Variants in ATP2B4 observed in about 807,000 individuals in gnomAD.
ATP2B4 encodes ATPase plasma membrane Ca2+ transporting 4, also known as plasma membrane calcium-transporting ATPase 4.
In ATP2B4, 39 loss-of-function variants were observed where a neutral mutation model predicts 110.3. The ratio of observed to expected loss-of-function variants is 0.35; its 90% CI spans 0.27 to 0.46. The LOEUF (loss-of-function observed/expected upper bound fraction) is 0.46. ATP2B4 is among the 20% of genes least tolerant of loss of function. The pLI, the probability that ATP2B4 is intolerant of heterozygous loss-of-function variation, is 1.00. For synonymous variants in ATP2B4, 538 were observed against 571.7 expected, an observed-to-expected ratio of 0.94 and a Z score of 0.84; for missense variants, 1,135 against 1,530.9, an observed-to-expected ratio of 0.74 and a Z score of 4.32.
intron 1 of ATP2B4, among the ~76,000 whole-genome samples, chr1:203,670,250 C>T (rs1313602750): frequency 6.6e-6 from 1 of 151,734 alleles, no homozygotes; most frequent in Non-Finnish European, 1.5e-5. Flanking sequence ...ACGATCTCAG[C>T]TCACTGCAAC....
Position 203,720,561 on chromosome 1 carries a change from A to T in ATP2B4, c.2419A>T (p.Thr807Ser). ...DVGFAMGIAGTDVAKEASDII... is the reference protein window; with the variant it reads ...DVGFAMGIAGSDVAKEASDII... ...CATCTTACCTCAGGGCATCGCAGGCACAGATGTAGCAAAGGAGGCTTCAGA... is the reference window on the plus strand; with the variant it reads ...CATCTTACCTCAGGGCATCGCAGGCTCAGATGTAGCAAAGGAGGCTTCAGA... Residue 807 changes from threonine to serine, a missense_variant, in exon 16 of 21, where the codon ACA becomes TCA. Transcript: ENST00000357681. 6.2e-7 allele frequency: 1 copy of T among 1,608,332 alleles called. No individual in the cohort carries two copies. Among genetic ancestry groups the T allele is most frequent in the Non-Finnish European group, 8.5e-7 (1 of 1,176,764 alleles).
At chr1:203,647,855 G>A (rs570642195) in intron 1 of ATP2B4, among the ~76,000 whole-genome samples, 1 of 152,320 alleles carries the variant, frequency 6.6e-6, no homozygotes, top group East Asian at 1.9e-4. Context: ...GCCAGCCTAG[G>A]TGGTGCACAG....
At chr1:203,665,115 G>A (rs552840178) in intron 1 of ATP2B4, among the ~76,000 whole-genome samples, 8 of 152,242 alleles carry the variant, frequency 5.3e-5, no homozygotes, top group Non-Finnish European at 7.4e-5. Flanking sequence ...CACCGCACCC[G>A]GCCCTTAAGG....
At chr1:203,719,977 T>C (rs1666273826) in intron 15 of ATP2B4, among the ~76,000 whole-genome samples, 2 of 152,078 alleles carry the variant, frequency 1.3e-5, no homozygotes, top group East Asian at 1.9e-4. Context: ...GAGGCCAAGG[T>C]GGGAGGATCA....
chr1:203,697,245 T>C (rs1245595454), intron 2 of ATP2B4, among the ~76,000 whole-genome samples: 7 of 152,218 alleles, frequency 4.6e-5, no homozygotes, highest in Non-Finnish European at 1.0e-4. Flanking sequence ...GACTCTGCCC[T>C]GATGCTCCCC....
chr1:203,658,881 G>A (rs1275335616), intron 1 of ATP2B4, among the ~76,000 whole-genome samples: 1 of 152,014 alleles, frequency 6.6e-6, no homozygotes, highest in Admixed American at 6.6e-5. Flanking sequence ...GTGTGTGCCT[G>A]TAATCCCAGC....
intron 1 of ATP2B4, among the ~76,000 whole-genome samples, chr1:203,644,036 C>T (rs1368107223): frequency 1.3e-5 from 2 of 152,020 alleles, no homozygotes; most frequent in African/African-American, 2.4e-5. Context: ...GATCACCTAA[C>T]ATTAGGGGTT....
chr1:203,678,130 C>T (rs1002256487), intron 1 of ATP2B4, among the ~76,000 whole-genome samples: 21 of 152,222 alleles, frequency 1.4e-4, no homozygotes, highest in African/African-American at 4.8e-4. Flanking sequence ...TTATGCATCA[C>T]ATCACATTCA....
chr1:203,710,895 C>T lies in ATP2B4; in HGVS notation c.1818C>T (p.Asp606=). 1 of 1,613,520 alleles carries T rather than the reference C, an allele frequency of 6.2e-7. No homozygotes were observed. The highest frequency in any genetic ancestry group is 8.5e-7 in the Non-Finnish European group (1 of 1,179,722). ...IILRKCNRIL[D]RKGEAVPFKN... Reference sequence around the variant, plus strand: ...TCCCCAGGTGTAATCGAATCCTGGACCGGAAAGGGGAAGCAGTGCCATTCA... The same window carrying T: ...TCCCCAGGTGTAATCGAATCCTGGATCGGAAAGGGGAAGCAGTGCCATTCA... Residue 606 remains aspartate (D), a synonymous_variant, in exon 12 of 21, where the codon GAC becomes GAT. Transcript: ENST00000357681.
chr1:203,692,235 T>G (rs1314882975), intron 2 of ATP2B4, among the ~76,000 whole-genome samples: 1 of 151,994 alleles, frequency 6.6e-6, no homozygotes, highest in East Asian at 1.9e-4. Flanking sequence ...TGGAATGTAG[T>G]GGCAAAATCA....
intron 1 of ATP2B4, among the ~76,000 whole-genome samples, chr1:203,669,665 G>A (rs1049141754): frequency 9.9e-5 from 15 of 152,028 alleles, no homozygotes; most frequent in African/African-American, 3.4e-4. Flanking sequence ...TCGAACTCCC[G>A]ACCTCAGGTG....
chr1:203,644,003 A>G (rs11806737), intron 1 of ATP2B4, among the ~76,000 whole-genome samples: 11,126 of 152,142 alleles, frequency 0.073, 460 homozygotes, highest in East Asian at 0.098. Flanking sequence ...TAATCTCAGC[A>G]CTTTGGGAGG....
intron 20 of ATP2B4, among the ~76,000 whole-genome samples, chr1:203,730,871 G>T (rs1277887389): frequency 6.6e-6 from 1 of 152,226 alleles, no homozygotes; most frequent in Non-Finnish European, 1.5e-5. Flanking sequence ...GACTCTGGAA[G>T]CTGATGAGGC....
chr1:203,713,349 A>T (rs1666067081), intron 14 of ATP2B4, 97 bp downstream of exon 14: 1 of 1,382,072 alleles, frequency 7.2e-7, no homozygotes, highest in South Asian at 1.2e-5. Context: ...TCCTGTCCAA[A>T]TAGGGAGGTC....
chr1:203,662,005 T>C (rs1317465113), intron 1 of ATP2B4, among the ~76,000 whole-genome samples: 3 of 152,066 alleles, frequency 2.0e-5, no homozygotes, highest in Non-Finnish European at 2.9e-5. Context: ...TGATAAAATA[T>C]ACAGAACATA....
At chr1:203,690,102 A>C (rs1348967253) in intron 2 of ATP2B4, among the ~76,000 whole-genome samples, 1 of 152,242 alleles carries the variant, frequency 6.6e-6, no homozygotes, top group Non-Finnish European at 1.5e-5. Context: ...TAAGACGGCC[A>C]ACCCAAATTA....
At chr1:203,693,717 C>G (rs181588521) in intron 2 of ATP2B4, among the ~76,000 whole-genome samples, 2 of 152,310 alleles carry the variant, frequency 1.3e-5, no homozygotes, top group Non-Finnish European at 2.9e-5. Flanking sequence ...CAATTGTAGA[C>G]AGTGGGAACA....
chr1:203,662,562 ATTTG>A (rs1664372339), intron 1 of ATP2B4, among the ~76,000 whole-genome samples: 1 of 152,050 alleles, frequency 6.6e-6, no homozygotes, highest in Non-Finnish European at 1.5e-5. Flanking sequence ...ATTATACTGT[ATTTG>A]TTTGTGTGTG....
At chr1:203,724,615 C>A (rs1666449216) in intron 19 of ATP2B4, among the ~76,000 whole-genome samples, 1 of 152,012 alleles carries the variant, frequency 6.6e-6, no homozygotes. Flanking sequence ...TAATAAGGGT[C>A]TTAGAAGTAG....
Sources: gnomAD v4.1 joint callset for allele counts (sites outside exome capture counted in the v4.1 genomes callset) on GRCh38, gnomAD v4.1.1 for gene constraint, MANE v1.5 for transcripts, NCBI Gene and HGNC (gene_info 2026-07-23, HGNC 2026-07-21) for gene names.